The following GPC6 variants were observed in gnomAD, a reference collection of about 807,000 sequenced individuals.
GPC6 encodes glypican-6.
In GPC6, 14 loss-of-function variants were observed where a neutral mutation model predicts 55.2. The ratio of observed to expected loss-of-function variants is 0.25; its 90% confidence interval spans 0.17 to 0.40. The LOEUF (loss-of-function observed/expected upper bound fraction) is 0.40. Among genes scored for constraint, GPC6 ranks in the 10% least tolerant of loss-of-function variants. The probability of loss-of-function intolerance (pLI) is 1.00; values close to 1 mark genes in which losing one functional copy is unlikely to be tolerated. For synonymous variants in GPC6, 278 were observed against 259.6 expected (o/e 1.07, Z -0.68); for missense variants, 641 against 708.5 (o/e 0.90, Z 1.08).
chr13:94,229,322 C>G (rs911715357), intron 4 of GPC6, among the ~76,000 whole-genome samples: 2 of 152,108 alleles, frequency 1.3e-5, no homozygotes, highest in Admixed American at 1.3e-4. Flanking sequence ...AGCTTACTTT[C>G]CAACACACAC....
chr13:93,723,632 C>T (rs1883528626), intron 2 of GPC6, among the ~76,000 whole-genome samples: 1 of 151,758 alleles, frequency 6.6e-6, no homozygotes, highest in South Asian at 2.1e-4. Flanking sequence ...CATTTGTTAT[C>T]CAGCCATGGA....
intron 1 of GPC6, among the ~76,000 whole-genome samples, chr13:93,356,253 A>C (rs969959283): frequency 6.6e-6 from 1 of 152,214 alleles, no homozygotes; most frequent in Admixed American, 6.5e-5. Flanking sequence ...CATTAAAAGA[A>C]ATCTCAGACT....
chr13:93,807,922 C>T (rs988543223), intron 2 of GPC6, among the ~76,000 whole-genome samples: 3 of 152,152 alleles, frequency 2.0e-5, no homozygotes, highest in South Asian at 2.1e-4. Flanking sequence ...TCTGGGACAT[C>T]GGTCACTCCC....
At chr13:93,897,837 T>C (rs138819824) in intron 3 of GPC6, among the ~76,000 whole-genome samples, 44 of 152,250 alleles carry the variant, frequency 2.9e-4, no homozygotes, top group African/African-American at 1.0e-3. Context: ...GGCTACCTTG[T>C]AAAAAATTCA....
intron 2 of GPC6, among the ~76,000 whole-genome samples, chr13:93,725,798 AAG>A (rs1320605273): frequency 1.3e-5 from 2 of 152,114 alleles, no homozygotes; most frequent in African/African-American, 4.8e-5. Context: ...CAAAAATAAA[AAG>A]AAGAAAATCA....
intron 5 of GPC6, among the ~76,000 whole-genome samples, chr13:94,304,798 T>C (rs1342297163): frequency 1.3e-5 from 2 of 152,220 alleles, no homozygotes; most frequent in African/African-American, 4.8e-5. Context: ...CAATGTTTGA[T>C]TTCCCATAGC....
chr13:93,236,089 G>A (rs1177152441), intron 1 of GPC6, among the ~76,000 whole-genome samples: 1 of 152,154 alleles, frequency 6.6e-6, no homozygotes, highest in Non-Finnish European at 1.5e-5. Flanking sequence ...CAGCAGAGAT[G>A]CCCACCCTTC....
chr13:93,531,862 T>G (rs1250330692), intron 1 of GPC6, among the ~76,000 whole-genome samples: 1 of 152,176 alleles, frequency 6.6e-6, no homozygotes, highest in Non-Finnish European at 1.5e-5. Context: ...AGAATAAAGT[T>G]GGATACCACC....
chr13:94,087,971 T>C (rs1885348767), intron 4 of GPC6, among the ~76,000 whole-genome samples: 1 of 152,154 alleles, frequency 6.6e-6, no homozygotes, highest in South Asian at 2.1e-4. Flanking sequence ...GTCTCCATTC[T>C]TCTCTGGCTT....
intron 3 of GPC6, among the ~76,000 whole-genome samples, chr13:94,026,267 A>C (rs1882890942): frequency 6.6e-6 from 1 of 152,182 alleles, no homozygotes; most frequent in South Asian, 2.1e-4. Context: ...TTGCATTAAG[A>C]ATCTCAAAAT....
In GPC6 at chr13:93,657,909, TCTTACA is replaced by T. The variant is rs1880753382; in HGVS notation, c.319+112492_319+112497del. Among the ~76,000 whole-genome samples the T allele has an allele frequency of 3.3e-5, 5 of 152,080 alleles. No individual in the cohort carries two copies. In the South Asian group the frequency reaches 1.0e-3, roughly 32 times the overall value. Reference sequence around the variant, plus strand: ...AAATCAAAACCATAAGGAAATCCCATCTTACACTTGTCAGAATGGCTATTTAAAATA... The same window carrying T: ...AAATCAAAACCATAAGGAAATCCCATCTTGTCAGAATGGCTATTTAAAATA... On this transcript the variant is annotated intron_variant, in intron 2 of 8. Transcript: ENST00000377047.
chr13:93,485,041 A>G (rs191965758), intron 1 of GPC6, among the ~76,000 whole-genome samples: 149 of 152,334 alleles, frequency 9.8e-4, no homozygotes, highest in Non-Finnish European at 1.7e-3. Flanking sequence ...AGAGGTATTT[A>G]CAGCTTGATG....
intron 4 of GPC6, among the ~76,000 whole-genome samples, chr13:94,190,283 G>T (rs925415506): frequency 1.3e-5 from 2 of 150,888 alleles, no homozygotes; most frequent in Admixed American, 6.6e-5. Flanking sequence ...TCGTGCCATC[G>T]CACTCCAGCC....
intron 2 of GPC6, among the ~76,000 whole-genome samples, chr13:93,615,279 A>T (rs574959852): frequency 8.5e-5 from 13 of 152,266 alleles, no homozygotes; most frequent in African/African-American, 2.9e-4. Context: ...AAGAATTTTA[A>T]AATTAACATA....
At position 94,306,135 on chromosome 13, in the gene GPC6, C is replaced by T; in HGVS notation, c.1152+12C>T. ...GCTTGGACCGGCTGGTGAGTATTCA[C>T]AGATTGATAACCATGGCGGATGCTT... On this transcript the variant is annotated intron_variant, in intron 6 of 8. Coordinates refer to ENST00000377047, the MANE Select transcript of GPC6 (RefSeq NM_005708.5). The T allele has an allele frequency of 6.2e-7, 1 of 1,613,950 alleles. No individual in the cohort carries two copies. Among genetic ancestry groups the T allele is most frequent in the Non-Finnish European group, 8.5e-7 (1 of 1,179,824 alleles).
At chr13:94,027,612 C>G (rs1381633472) in intron 3 of GPC6, 117 bp from the exon 4 acceptor site, 2 of 876,258 alleles carry the variant, frequency 2.3e-6, no homozygotes, top group Non-Finnish European at 3.7e-6. Context: ...GATTCAAGAT[C>G]AGTAATTACA....
intron 1 of GPC6, among the ~76,000 whole-genome samples, chr13:93,451,294 G>GT: frequency 6.6e-6 from 1 of 152,302 alleles, no homozygotes; most frequent in South Asian, 2.1e-4. Context: ...GAAAACTTCT[G>GT]CTCTATGTGT....
At chr13:94,382,696 G>A (rs1333335057) in intron 7 of GPC6, 146 bp downstream of exon 7, 9 of 1,093,690 alleles carry the variant, frequency 8.2e-6, no homozygotes, top group Non-Finnish European at 1.1e-5. Flanking sequence ...GCTGTTGAGA[G>A]TGACAGGTTT....
chr13:94,182,901 A>G (rs1434885529), intron 4 of GPC6, among the ~76,000 whole-genome samples: 1 of 152,012 alleles, frequency 6.6e-6, no homozygotes, highest in South Asian at 2.1e-4. Context: ...TCAGCCTCCC[A>G]AGTAGCTGGG....
Sources: allele counts gnomAD v4.1 joint callset (sites outside exome capture counted in the v4.1 genomes callset), GRCh38; gene constraint gnomAD v4.1.1; transcripts MANE v1.5; gene names NCBI Gene and HGNC (gene_info 2026-07-23, HGNC 2026-07-21).